Variants in NR3C2 observed in about 807,000 individuals in gnomAD.
The protein encoded by NR3C2 is mineralocorticoid receptor.
Under a neutral mutation model 86.4 loss-of-function variants are expected in NR3C2, and 15 were observed. That is an observed-to-expected ratio of 0.17 (90% CI 0.12 to 0.27). NR3C2 has a LOEUF of 0.27. Ranked by LOEUF, NR3C2 falls within the 10% of genes least tolerant of loss-of-function variation. The pLI, the probability that NR3C2 is intolerant of heterozygous loss-of-function variation, is 1.00. For synonymous variants in NR3C2, 458 were observed against 450.5 expected, an observed-to-expected ratio of 1.02 and a Z score of -0.21; for missense variants, 960 against 1,195.6, an observed-to-expected ratio of 0.80 and a Z score of 2.91.
At chr4:148,165,440 A>G (rs975790084) in intron 4 of NR3C2, among the ~76,000 whole-genome samples, 1 of 152,170 alleles carries the variant, frequency 6.6e-6, no homozygotes, top group Non-Finnish European at 1.5e-5. Flanking sequence ...TATCTCCACT[A>G]TTAATTTTCT....
At chr4:148,165,419 GGAAA>G (rs1359851286) in intron 4 of NR3C2, among the ~76,000 whole-genome samples, 1 of 151,834 alleles carries the variant, frequency 6.6e-6, no homozygotes, top group East Asian at 1.9e-4. Context: ...ATATACACCA[GGAAA>G]GAGTTTTATC....
intron 3 of NR3C2, among the ~76,000 whole-genome samples, chr4:148,228,248 C>A (rs1579041187): frequency 6.8e-6 from 1 of 147,046 alleles, no homozygotes; most frequent in Non-Finnish European, 1.5e-5. Flanking sequence ...TATATATTTT[C>A]TTTTTTCTCA....
At chr4:148,174,532 T>A (rs1178516768) in intron 4 of NR3C2, among the ~76,000 whole-genome samples, 1 of 152,216 alleles carries the variant, frequency 6.6e-6, no homozygotes, top group Non-Finnish European at 1.5e-5. Context: ...ACTGTACTGA[T>A]GACCAGCACG....
Position 148,436,259 on chromosome 4 carries a change from G to C in NR3C2, c.602C>G (p.Thr201Arg). 6.2e-7 allele frequency: 1 copy of C among 1,614,178 alleles called. No homozygotes were observed. Among genetic ancestry groups the C allele is most frequent in the South Asian group, 1.1e-5 (1 of 91,080 alleles). ...TCCAGCAGGGCTGCAAACCGAAGATGTCATGTTCAGAGGGCTGCAAACAGA... is the reference window on the plus strand; with the variant it reads ...TCCAGCAGGGCTGCAAACCGAAGATCTCATGTTCAGAGGGCTGCAAACAGA... ...SPSVCSPLNMTSSVCSPAGIN... is the reference protein window; with the variant it reads ...SPSVCSPLNMRSSVCSPAGIN... The change falls in exon 2 of 9, where the codon ACA (threonine) becomes AGA (arginine). Residue 201 changes from threonine (T) to arginine (R), a missense_variant. Around this residue, in one of 4 missense-constraint regions of NR3C2, gnomAD observed 680 missense variants for 719.0 expected, o/e 0.95. Coordinates refer to ENST00000358102, the MANE Select transcript of NR3C2 (RefSeq NM_000901.5).
At chr4:148,414,577 T>A (rs1284591688) in intron 2 of NR3C2, among the ~76,000 whole-genome samples, 1 of 152,206 alleles carries the variant, frequency 6.6e-6, no homozygotes, top group African/African-American at 2.4e-5. Flanking sequence ...TCCACCTTGA[T>A]TGTTACTGAT....
chr4:148,171,354 G>A (rs1469335166), intron 4 of NR3C2, among the ~76,000 whole-genome samples: 1 of 152,198 alleles, frequency 6.6e-6, no homozygotes, highest in African/African-American at 2.4e-5. Context: ...AATCACGAGT[G>A]CAGCTTCACA....
intron 2 of NR3C2, among the ~76,000 whole-genome samples, chr4:148,377,238 A>C (rs1448955563): frequency 3.3e-5 from 5 of 152,186 alleles, no homozygotes; most frequent in Non-Finnish European, 7.3e-5. Flanking sequence ...AAGAGTATAA[A>C]ATTTTAGATA....
At chr4:148,311,328 C>G (rs906039510) in intron 2 of NR3C2, among the ~76,000 whole-genome samples, 2 of 152,202 alleles carry the variant, frequency 1.3e-5, no homozygotes, top group African/African-American at 2.4e-5. Context: ...GGCACCTCAA[C>G]ATAGCTGAGA....
At chr4:148,335,973 T>C (rs1744465416) in intron 2 of NR3C2, among the ~76,000 whole-genome samples, 1 of 152,196 alleles carries the variant, frequency 6.6e-6, no homozygotes. Context: ...GCAACTGAGA[T>C]TGAATAACGT....
chr4:148,403,034 G>T lies in NR3C2; in HGVS notation c.1757+32070C>A, dbSNP rs892067991. Among the ~76,000 whole-genome samples, 8 of 151,670 alleles carry T rather than the reference G, an allele frequency of 5.3e-5. 1 individual carries two copies. In the South Asian group the frequency reaches 1.5e-3, roughly 28 times the overall value. On this transcript the variant is annotated intron_variant, in intron 2 of 8. Transcript: ENST00000358102. ...CAAATATGCATATATATTTGTATGT[G>T]TATATATACATATACACATTCATAC...
intron 8 of NR3C2, among the ~76,000 whole-genome samples, chr4:148,090,178 G>T (rs1268297171): frequency 6.6e-6 from 1 of 152,212 alleles, no homozygotes; most frequent in African/African-American, 2.4e-5. Flanking sequence ...TGGGGAAGCT[G>T]CAGTGAACAG....
upstream of NR3C2, chr4:148,444,810 C>T (rs760741775): frequency 7.2e-3 from 7,088 of 985,044 alleles, 30 homozygotes; most frequent in Non-Finnish European, 8.1e-3. Flanking sequence ...GCGGGCCCCT[C>T]TCCCGGGGCT....
intron 2 of NR3C2, among the ~76,000 whole-genome samples, chr4:148,379,568 C>A (rs1199475016): frequency 6.6e-6 from 1 of 152,104 alleles, no homozygotes; most frequent in Non-Finnish European, 1.5e-5. Context: ...TCTAAGGAAC[C>A]ATTGATTTGT....
chr4:148,371,953 T>C (rs1010285065), intron 2 of NR3C2, among the ~76,000 whole-genome samples: 1 of 152,158 alleles, frequency 6.6e-6, no homozygotes, highest in Admixed American at 6.5e-5. Flanking sequence ...CATTTATTCA[T>C]TCCAGAAATA....
At chr4:148,325,383 T>TACACA (rs1411638271) in intron 2 of NR3C2, among the ~76,000 whole-genome samples, 1 of 152,232 alleles carries the variant, frequency 6.6e-6, no homozygotes, top group African/African-American at 2.4e-5. Context: ...GAGCAGCCTC[T>TACACA]GTGTATGTGT....
Position 148,280,657 on chromosome 4 carries a change from CCTAA to C in NR3C2, c.1758-20544_1758-20541del, listed in dbSNP as rs1444774734. On this transcript the variant is annotated intron_variant, in intron 2 of 8. Coordinates refer to ENST00000358102, the MANE Select transcript of NR3C2 (RefSeq NM_000901.5). ...GGGACTACAGATGTGAACCATCACACCTAACTAATTTTTTTATTTTTATGTTTTG... is the reference window on the plus strand; with the variant it reads ...GGGACTACAGATGTGAACCATCACACCTAATTTTTTTATTTTTATGTTTTG... Among the ~76,000 whole-genome samples the C allele has an allele frequency of 4.6e-5, 7 of 152,180 alleles. No homozygotes were observed. In the East Asian group the frequency reaches 1.4e-3, roughly 29 times the overall value.
At chr4:148,084,165 G>A (rs577580664) in intron 8 of NR3C2, among the ~76,000 whole-genome samples, 4 of 152,232 alleles carry the variant, frequency 2.6e-5, no homozygotes, top group African/African-American at 7.2e-5. Flanking sequence ...GAAATACAGA[G>A]AACACCACAA....
At chr4:148,289,625 A>G (rs1741704162) in intron 2 of NR3C2, among the ~76,000 whole-genome samples, 2 of 152,192 alleles carry the variant, frequency 1.3e-5, no homozygotes, top group African/African-American at 4.8e-5. Flanking sequence ...TAGACTGGGT[A>G]ATTTATAAAC....
At chr4:148,117,933 G>T (rs577511396) in intron 7 of NR3C2, among the ~76,000 whole-genome samples, 106 of 152,288 alleles carry the variant, frequency 7.0e-4, no homozygotes, top group African/African-American at 2.4e-3. Flanking sequence ...CTCCTCTGAA[G>T]TCCATACCAC....
Sources: gnomAD v4.1 joint callset for allele counts (sites outside exome capture counted in the v4.1 genomes callset) on GRCh38, gnomAD v4.1.1 for gene constraint, gnomAD v4.1.1 regional missense constraint, MANE v1.5 for transcripts, NCBI Gene and HGNC (gene_info 2026-07-23, HGNC 2026-07-21) for gene names.